TUT4: variants seen among roughly 807,000 people sequenced by gnomAD.
TUT4 encodes the protein terminal uridylyl transferase 4, also known as terminal uridylyltransferase 4.
A neutral mutation model predicts 192.2 loss-of-function variants in TUT4; 36 were observed. The ratio of observed to expected loss-of-function variants is 0.19; its 90% confidence interval spans 0.14 to 0.25. The LOEUF (loss-of-function observed/expected upper bound fraction) is 0.25. TUT4 is among the 10% of genes least tolerant of loss of function. TUT4 has a pLI of 1.00. For synonymous variants in TUT4, 618 were observed against 666.0 expected (o/e 0.93, Z 1.11); for missense variants, 1,493 against 1,957.2 (o/e 0.76, Z 4.47).
chr1:52,528,531 TG>T (rs1160444610), intron 1 of TUT4, among the ~76,000 whole-genome samples: 3 of 150,876 alleles, frequency 2.0e-5, no homozygotes, highest in Non-Finnish European at 2.9e-5. Flanking sequence ...AAAATCAGGA[TG>T]TTTTTTACTA....
intron 1 of TUT4, among the ~76,000 whole-genome samples, chr1:52,530,134 C>T (rs753804995): frequency 4.6e-5 from 7 of 151,820 alleles, no homozygotes; most frequent in Non-Finnish European, 8.8e-5. Context: ...TGAGTCACTG[C>T]GTCAGCTACT....
intron 1 of TUT4, among the ~76,000 whole-genome samples, chr1:52,527,586 T>A (rs1169739289): frequency 1.3e-5 from 2 of 150,576 alleles, no homozygotes; most frequent in Admixed American, 6.6e-5. Flanking sequence ...CTTAAGAGTT[T>A]AAAAAAAAAC....
chr1:52,463,573 C>A, intron 16 of TUT4: 1 of 1,248,034 alleles, frequency 8.0e-7, no homozygotes, highest in South Asian at 1.4e-5. Flanking sequence ...CTACAGATGC[C>A]AGAAGCTGGG....
At chr1:52,526,759 T>C (rs1041063689) in intron 1 of TUT4, among the ~76,000 whole-genome samples, 1 of 152,086 alleles carries the variant, frequency 6.6e-6, no homozygotes, top group Non-Finnish European at 1.5e-5. Flanking sequence ...GTGTGGTGGC[T>C]CATGCCTGTA....
intron 20 of TUT4, among the ~76,000 whole-genome samples, chr1:52,448,650 CAT>C (rs1255835159): frequency 1.5e-5 from 2 of 130,290 alleles, no homozygotes; most frequent in African/African-American, 5.8e-5. Flanking sequence ...AAACAAAAGA[CAT>C]AGGATTTCTG....
At chr1:52,471,560 AT>A (rs1173047256) in intron 14 of TUT4, among the ~76,000 whole-genome samples, 1 of 152,154 alleles carries the variant, frequency 6.6e-6, no homozygotes, top group African/African-American at 2.4e-5. Context: ...AATGTTCTCT[AT>A]CAACAATGCT....
chr1:52,464,584 T>A (rs553103245), intron 16 of TUT4, among the ~76,000 whole-genome samples: 1 of 152,150 alleles, frequency 6.6e-6, no homozygotes, highest in African/African-American at 2.4e-5. Context: ...ATTGCTTCTA[T>A]GGAAAAAATT....
At chr1:52,501,451 G>A (rs1169946499) in intron 4 of TUT4, among the ~76,000 whole-genome samples, 2 of 151,662 alleles carry the variant, frequency 1.3e-5, no homozygotes, top group Admixed American at 6.6e-5. Flanking sequence ...GGCGGGGGGA[G>A]GCAGAAAACA....
chr1:52,535,512 C>T (rs1684671914), intron 1 of TUT4, among the ~76,000 whole-genome samples: 1 of 152,216 alleles, frequency 6.6e-6, no homozygotes, highest in Non-Finnish European at 1.5e-5. Flanking sequence ...TGTTCTCTGG[C>T]ATTTTGTTCC....
intron 14 of TUT4, among the ~76,000 whole-genome samples, chr1:52,468,928 CAGTAACAG>C (rs1664937025): frequency 6.6e-6 from 1 of 152,070 alleles, no homozygotes; most frequent in Non-Finnish European, 1.5e-5. Context: ...AAAGTTAACA[CAGTAACAG>C]AAACAAAGCA....
chr1:52,458,514 AT>A, intron 19 of TUT4, 65 bp from the exon 20 acceptor site: 1 of 1,196,308 alleles, frequency 8.4e-7, no homozygotes, highest in Non-Finnish European at 1.2e-6. Context: ...TATATTAAAC[AT>A]TCTGCCACAT....
intron 1 of TUT4, chr1:52,538,377 A>AT (rs1283678011): frequency 2.6e-5 from 4 of 152,156 alleles, no homozygotes; most frequent in Non-Finnish European, 4.4e-5. Context: ...AGAAAAAAAA[A>AT]GGGAGCTGGG....
rs764611195 is a variant in TUT4, at chr1:52,435,434, A to G, written c.4194T>C (p.Ala1398=). The G allele has an allele frequency of 6.8e-6, 11 of 1,614,198 alleles. No individual in the cohort carries two copies. Among genetic ancestry groups the G allele is most frequent in the African/African-American group, 1.3e-5 (1 of 75,064 alleles). Residue 1398 remains alanine, a synonymous_variant, in exon 27 of 30, where the codon GCT becomes GCC. Transcript: ENST00000257177. ...GCTGAGCTGAACCAGCCACCTGTTG[A>G]GCATTTACAAGGTTGCGGACCAGCT... is the stretch of plus-strand genomic sequence containing the variant. ...AAQLVRNLVN[A]QQVAGSAQQQ...
chr1:52,446,371 G>A lies in TUT4; in HGVS notation c.3585C>T (p.Phe1195=), dbSNP rs1346463195. 1 of 1,613,554 alleles carries A rather than the reference G, an allele frequency of 6.2e-7. No homozygotes were observed. The change falls in exon 22 of 30, where the codon TTC becomes TTT. Residue 1195 remains phenylalanine, a synonymous_variant. Transcript: ENST00000257177. ...LGELWLGLLR[F]YTEEFDFKEY... ...CCTTGAAATCAAACTCTTCAGTATAGAAACGAAGCAGTCCCAGCCAAAGCT... is the reference window on the plus strand; with the variant it reads ...CCTTGAAATCAAACTCTTCAGTATAAAAACGAAGCAGTCCCAGCCAAAGCT...
At chr1:52,452,107 T>C (rs1659606806) in intron 20 of TUT4, among the ~76,000 whole-genome samples, 1 of 151,836 alleles carries the variant, frequency 6.6e-6, no homozygotes, top group Non-Finnish European at 1.5e-5. Flanking sequence ...TAACTCATTC[T>C]ACAAGGCCAG....
intron 20 of TUT4, among the ~76,000 whole-genome samples, chr1:52,457,126 G>A (rs966812812): frequency 6.6e-6 from 1 of 152,138 alleles, no homozygotes; most frequent in Non-Finnish European, 1.5e-5. Flanking sequence ...TTTAAAACAG[G>A]GAAGGAAACG....
intron 20 of TUT4, among the ~76,000 whole-genome samples, chr1:52,451,157 TC>T (rs1301923069): frequency 6.6e-6 from 1 of 151,586 alleles, no homozygotes; most frequent in African/African-American, 2.4e-5. Flanking sequence ...TCCCAGCTAC[TC>T]GGGAGGCTGA....
intron 20 of TUT4, among the ~76,000 whole-genome samples, chr1:52,455,898 A>T (rs1045456613): frequency 6.6e-6 from 1 of 152,044 alleles, no homozygotes; most frequent in African/African-American, 2.4e-5. Context: ...TTCTTACAAA[A>T]CTAAACATAC....
intron 1 of TUT4, among the ~76,000 whole-genome samples, chr1:52,528,246 A>C (rs1682367863): frequency 6.6e-6 from 1 of 151,200 alleles, no homozygotes; most frequent in Non-Finnish European, 1.5e-5. Flanking sequence ...TGTAATCCCA[A>C]CATTTTGGGA....
Sources: gnomAD v4.1 joint callset for allele counts (sites outside exome capture counted in the v4.1 genomes callset) on GRCh38, gnomAD v4.1.1 for gene constraint, MANE v1.5 for transcripts, NCBI Gene and HGNC (gene_info 2026-07-23, HGNC 2026-07-21) for gene names.